PHTF2: variants seen among roughly 807,000 people sequenced by gnomAD.
PHTF2 encodes protein PHTF2.
A neutral mutation model predicts 101.2 loss-of-function variants in PHTF2; 60 were observed. The ratio of observed to expected loss-of-function variants is 0.59; its 90% CI spans 0.48 to 0.73. The LOEUF (loss-of-function observed/expected upper bound fraction) is 0.73. PHTF2 is among the 30% of genes least tolerant of loss of function. PHTF2 has a pLI of 0.00. For synonymous variants in PHTF2, 311 were observed against 307.3 expected (o/e 1.01, Z -0.13); for missense variants, 747 against 908.7 (o/e 0.82, Z 2.29).
chr7:77,890,019 C>T (rs1358050990), intron 3 of PHTF2, among the ~76,000 whole-genome samples: 5 of 110,226 alleles, frequency 4.5e-5, no homozygotes, highest in East Asian at 2.0e-4. Context: ...AAAATTAAGA[C>T]GCGCCCCCCC....
rs1334143926 is a variant in PHTF2 at position 77,944,722 on chromosome 7, T to C, written c.1959+1936T>C. On this transcript the variant is annotated intron_variant, in intron 16 of 19. Transcript: ENST00000416283. ...TAGATCTCCAGCTATTTCAGTTTGA[T>C]CAGGTGGAAACTAAGTTTGTTTACA... Among the ~76,000 whole-genome samples the C allele has an allele frequency of 2.0e-5, 3 of 152,280 alleles. No individual in the cohort carries two copies. The East Asian group carries it at 5.8e-4, about 29-fold the overall frequency.
At chr7:77,956,446 G>A (rs1562985572) in exon 20 of PHTF2, 1 of 152,454 alleles carries the variant, frequency 6.6e-6, no homozygotes, top group Admixed American at 6.6e-5. Context: ...TTCTTTCTAT[G>A]AAAAACAACA....
chr7:77,945,281 T>C (rs1458284140), intron 16 of PHTF2, among the ~76,000 whole-genome samples: 1 of 152,174 alleles, frequency 6.6e-6, no homozygotes, highest in Non-Finnish European at 1.5e-5. Context: ...GAAGTTGCAG[T>C]GAGCCAAGGT....
intron 1 of PHTF2, among the ~76,000 whole-genome samples, chr7:77,825,993 G>A (rs1215297352): frequency 6.6e-6 from 1 of 152,168 alleles, no homozygotes; most frequent in Non-Finnish European, 1.5e-5. Context: ...AATGAAATGT[G>A]TATTTGCAGA....
At chr7:77,896,707 G>A (rs766155626) in intron 5 of PHTF2, among the ~76,000 whole-genome samples, 1 of 151,934 alleles carries the variant, frequency 6.6e-6, no homozygotes, top group Non-Finnish European at 1.5e-5. Context: ...AAATAATTCC[G>A]TATTTATTCT....
chr7:77,952,545 G>C (rs1001275759), intron 18 of PHTF2, among the ~76,000 whole-genome samples: 4 of 152,070 alleles, frequency 2.6e-5, no homozygotes, highest in Non-Finnish European at 5.9e-5. Flanking sequence ...TAAATAACAA[G>C]CAAGATAATA....
chr7:77,928,255 T>C (rs1040517208), intron 11 of PHTF2, among the ~76,000 whole-genome samples: 8 of 152,200 alleles, frequency 5.3e-5, no homozygotes, highest in Non-Finnish European at 5.9e-5. Context: ...AGTAAAAGTT[T>C]TTTAATTAAT....
intron 3 of PHTF2, among the ~76,000 whole-genome samples, chr7:77,881,520 GT>G (rs10713124): frequency 0.65 from 88,252 of 136,168 alleles, 26,620 homozygotes; most frequent in East Asian, 0.77. Context: ...GGCTGGTTTT[GT>G]TTTTTTTTTT....
chr7:77,877,328 A>G (rs546635183), intron 3 of PHTF2, among the ~76,000 whole-genome samples: 60 of 151,714 alleles, frequency 4.0e-4, no homozygotes, highest in Non-Finnish European at 2.4e-4. Context: ...CTGGTCTCGA[A>G]CTCCTGACCT....
At chr7:77,897,427 A>T (rs1222655103) in intron 5 of PHTF2, among the ~76,000 whole-genome samples, 3 of 151,178 alleles carry the variant, frequency 2.0e-5, no homozygotes, top group Admixed American at 6.6e-5. Context: ...TATATTTAAT[A>T]AATAAAATAT....
At chr7:77,893,943 G>C in intron 4 of PHTF2, 39 bp from the exon 4 acceptor site, 3 of 1,504,806 alleles carry the variant, frequency 2.0e-6, no homozygotes, top group Non-Finnish European at 2.8e-6. Context: ...CTTCTAGTTT[G>C]CTTTTTCTCC....
intron 3 of PHTF2, among the ~76,000 whole-genome samples, chr7:77,884,770 G>A (rs1384574900): frequency 6.6e-6 from 1 of 152,110 alleles, no homozygotes; most frequent in Non-Finnish European, 1.5e-5. Flanking sequence ...GTGGTGGTGG[G>A]CACCTGTAGT....
chr7:77,867,781 A>G (rs983313219), intron 3 of PHTF2, among the ~76,000 whole-genome samples: 1 of 152,230 alleles, frequency 6.6e-6, no homozygotes, highest in African/African-American at 2.4e-5. Flanking sequence ...ACATCATCTT[A>G]GATTGGGTGA....
intron 9 of PHTF2, among the ~76,000 whole-genome samples, chr7:77,918,169 T>G (rs995587529): frequency 6.6e-6 from 1 of 152,166 alleles, no homozygotes; most frequent in Non-Finnish European, 1.5e-5. Flanking sequence ...CAGCAGTTAT[T>G]ACAGACTCAA....
At chr7:77,898,151 C>T (rs912498202) in intron 5 of PHTF2, among the ~76,000 whole-genome samples, 2 of 151,922 alleles carry the variant, frequency 1.3e-5, no homozygotes, top group African/African-American at 4.8e-5. Context: ...TAAACAAGGT[C>T]GATTAGAAGA....
At position 77,849,083 on chromosome 7, in the gene PHTF2, A is replaced by G. The variant is rs565834987; in HGVS notation, c.46-5650A>G. Among the ~76,000 whole-genome samples, 4 of 151,840 alleles carry G rather than the reference A, an allele frequency of 2.6e-5. No individual in the cohort carries two copies. In the South Asian group the frequency reaches 6.2e-4, roughly 24 times the overall value. ...CTTCTATTGTGTTCCACTGATCTTC[A>G]TGTCTGTTTTTATGCTAGTACCATG... On this transcript the variant is annotated intron_variant, in intron 2 of 19. Coordinates refer to ENST00000416283, the Ensembl canonical transcript of PHTF2.
At chr7:77,949,952 A>C in intron 17 of PHTF2, 119 bp downstream of exon 16, 1 of 540,796 alleles carries the variant, frequency 1.8e-6, no homozygotes, top group African/African-American at 1.9e-5. Context: ...CTATAAAGCA[A>C]AATGTAAAAT....
At chr7:77,878,521 A>G (rs774626472) in intron 3 of PHTF2, among the ~76,000 whole-genome samples, 33 of 152,190 alleles carry the variant, frequency 2.2e-4, no homozygotes, top group Admixed American at 9.2e-4. Context: ...CTCCTGAGCC[A>G]TAATTTCTAG....
intron 2 of PHTF2, among the ~76,000 whole-genome samples, chr7:77,847,889 C>G (rs890893400): frequency 4.6e-5 from 7 of 152,174 alleles, no homozygotes; most frequent in African/African-American, 1.7e-4. Context: ...GTAATGATCA[C>G]TCTACTCTAC....
Sources: gnomAD v4.1 joint callset for allele counts (sites outside exome capture counted in the v4.1 genomes callset) on GRCh38, gnomAD v4.1.1 for gene constraint, MANE v1.5 for transcripts, NCBI Gene and HGNC (gene_info 2026-07-23, HGNC 2026-07-21) for gene names.